GAD2: variants seen among roughly 807,000 people sequenced by gnomAD.
GAD2 encodes 65 kDa glutamic acid decarboxylase.
A neutral mutation model predicts 80.1 loss-of-function variants in GAD2; 22 were observed. The observed-to-expected ratio is 0.27, with a 90% CI of 0.20 to 0.39. GAD2 has a LOEUF of 0.39. Among genes scored for constraint, GAD2 ranks in the 10% least tolerant of loss-of-function variants. The pLI, the probability that GAD2 is intolerant of heterozygous loss-of-function variation, is 1.00. For missense variants in GAD2, 624 were observed against 738.4 expected, an observed-to-expected ratio of 0.85 and a Z score of 1.80; for synonymous variants, 274 against 256.9, an observed-to-expected ratio of 1.07 and a Z score of -0.64.
intron 3 of GAD2, among the ~76,000 whole-genome samples, chr10:26,218,615 A>G (rs754616017): frequency 1.1e-4 from 17 of 148,774 alleles, no homozygotes; most frequent in Admixed American, 2.0e-4. Context: ...GGGCCTTCCT[A>G]TCAGACCAGA....
chr10:26,250,236 G>C (rs1844862497), intron 8 of GAD2, among the ~76,000 whole-genome samples: 1 of 152,152 alleles, frequency 6.6e-6, no homozygotes, highest in Admixed American at 6.5e-5. Context: ...AGATGGTCTT[G>C]AACTCCTAGC....
At chr10:26,284,768 A>G (rs1845312465) in intron 12 of GAD2, among the ~76,000 whole-genome samples, 1 of 151,808 alleles carries the variant, frequency 6.6e-6, no homozygotes, top group Non-Finnish European at 1.5e-5. Context: ...ATGGGGTTTC[A>G]CCGTGTTAGC....
chr10:26,252,760 G>T (rs933368957), intron 8 of GAD2, among the ~76,000 whole-genome samples: 8 of 151,974 alleles, frequency 5.3e-5, no homozygotes, highest in Admixed American at 1.3e-4. Flanking sequence ...CAGGGTTCAA[G>T]CGATTCACCT....
chr10:26,270,735 T>C lies in GAD2; in HGVS notation c.1071T>C (p.Tyr357=). The C allele has an allele frequency of 1.2e-6, 2 of 1,612,616 alleles. No individual in the cohort carries two copies. Among genetic ancestry groups the C allele is most frequent in the Non-Finnish European group, 1.7e-6 (2 of 1,178,592 alleles). Residue 357 remains tyrosine, a synonymous_variant, in exon 10 of 16, where the codon TAT becomes TAC. Coordinates refer to ENST00000376261, the MANE Select transcript of GAD2 (RefSeq NM_001134366.2). ...LLAVADICKK[Y]KIWMHVDAAW... is the part of the protein sequence containing the mutation. ...CTGTCGCTGACATTTGCAAAAAGTATAAGATCTGGATGCATGTGGATGTAA... is the reference window on the plus strand; with the variant it reads ...CTGTCGCTGACATTTGCAAAAAGTACAAGATCTGGATGCATGTGGATGTAA...
chr10:26,217,603 C>G lies in GAD2; in HGVS notation c.77-7C>G. The G allele has an allele frequency of 6.2e-7, 1 of 1,611,726 alleles. No individual in the cohort carries two copies. Among genetic ancestry groups the G allele is most frequent in the South Asian group, 1.1e-5 (1 of 90,394 alleles). On this transcript the variant is annotated splice_polypyrimidine_tract_variant and splice_region_variant and intron_variant, in intron 1 of 15. Transcript: ENST00000376261. The surrounding 1 kb of genome is among the most constrained non-coding windows in gnomAD (Gnocchi z 4.9). ...CTCGCTGTCTGCCTGCCTATTCTTC[C>G]TTGCAGCGCGAGCCTGGTGCCAAGT...
chr10:26,240,054 G>C (rs1447035310), intron 7 of GAD2, among the ~76,000 whole-genome samples: 1 of 152,246 alleles, frequency 6.6e-6, no homozygotes, highest in Non-Finnish European at 1.5e-5. Context: ...ATCAGCAATG[G>C]CTTGAAATAA....
intron 8 of GAD2, 103 bp downstream of exon 8, chr10:26,246,103 C>T: frequency 1.2e-6 from 1 of 821,814 alleles, no homozygotes; most frequent in East Asian, 2.7e-5. Context: ...GCAGCAAGTC[C>T]ACCTCCCTCC....
chr10:26,293,397 C>G (rs1379168993), intron 15 of GAD2, among the ~76,000 whole-genome samples: 2 of 151,930 alleles, frequency 1.3e-5, no homozygotes, highest in Non-Finnish European at 2.9e-5. Flanking sequence ...AGGCTGGTCT[C>G]GAACTCCTGA....
chr10:26,286,264 CTTTT>C, intron 12 of GAD2, 77 bp from the exon 13 acceptor site: 1 of 1,280,980 alleles, frequency 7.8e-7, no homozygotes, highest in Admixed American at 2.4e-5. Context: ...TCTCTTACTT[CTTTT>C]TTCTTATTAA....
chr10:26,245,879 T>C (rs761608919), intron 7 of GAD2, 42 bp from the exon 8 acceptor site: 2 of 1,455,750 alleles, frequency 1.4e-6, no homozygotes, highest in Admixed American at 1.7e-5. Context: ...GGATCTTGTC[T>C]GTATATGGAA....
At chr10:26,255,596 G>T (rs1032419987) in intron 8 of GAD2, among the ~76,000 whole-genome samples, 2 of 109,430 alleles carry the variant, frequency 1.8e-5, no homozygotes, top group Non-Finnish European at 3.3e-5. Flanking sequence ...TGTGAATTAT[G>T]GAAGGAAAGA....
chr10:26,303,468 GA>G lies in GAD2; in HGVS notation c.*2509del, dbSNP rs1159526035. 1.6e-5 allele frequency: 2 copies of G among 121,444 alleles called. No individual in the cohort carries two copies. Among genetic ancestry groups the G allele is most frequent in the African/African-American group, 5.3e-5 (2 of 37,504 alleles). The allele number at this position is 121,444 out of a possible 1,614,324, so 7.5% of individuals were successfully genotyped here. The stretch of plus-strand genomic sequence containing the variant: ...GAAGGGAGGGAGGGAGGGAGGGAGG[GA>G]AGGAGGGAGGGAGGAAGGAAATGAA... On this transcript the variant is annotated 3_prime_UTR_variant, in exon 16 of 16. Transcript: ENST00000376261.
chr10:26,238,977 G>T (rs769392246), intron 7 of GAD2, among the ~76,000 whole-genome samples: 19 of 151,578 alleles, frequency 1.3e-4, no homozygotes, highest in Non-Finnish European at 2.4e-4. Context: ...GGCCCCGGGG[G>T]ATGGTGGGGT....
At position 26,219,222 on chromosome 10, in the gene GAD2, T is replaced by C. The variant is rs1182798575; in HGVS notation, c.466T>C (p.Leu156=). The C allele has an allele frequency of 6.2e-7, 1 of 1,613,862 alleles. No homozygotes were observed. Among genetic ancestry groups the C allele is most frequent in the Admixed American group, 1.7e-5 (1 of 59,966 alleles). ...NWELADQPQN[L]EEILMHCQTT... ...GGAATTGGCAGACCAACCACAAAAT[T>C]TGGAGGAAATTTTGATGCATTGCCA... Residue 156 remains leucine, a synonymous_variant, in exon 4 of 16, where the codon TTG becomes CTG. Transcript: ENST00000376261.
intron 14 of GAD2, 71 bp from the exon 15 acceptor site, chr10:26,292,831 T>C: frequency 7.9e-7 from 1 of 1,261,152 alleles, no homozygotes; most frequent in Non-Finnish European, 1.2e-6. Context: ...AATACATCGA[T>C]TTGAAATGTT....
chr10:26,219,220 AT>A lies in GAD2; in HGVS notation c.467del (p.Leu156TrpfsTer5). ...TGGGAATTGGCAGACCAACCACAAA[AT>A]TTGGAGGAAATTTTGATGCATTGCC... ...YNWELADQPQ[N>X]LEEILMHCQT... On this transcript the variant is annotated frameshift_variant, in exon 4 of 16. Coordinates refer to ENST00000376261, the MANE Select transcript of GAD2 (RefSeq NM_001134366.2). LOFTEE classifies it high-confidence loss of function. The A allele has an allele frequency of 6.2e-7, 1 of 1,613,934 alleles. No individual in the cohort carries two copies. Among genetic ancestry groups the A allele is most frequent in the Non-Finnish European group, 8.5e-7 (1 of 1,179,932 alleles).
At chr10:26,247,713 T>C (rs1844825868) in intron 8 of GAD2, among the ~76,000 whole-genome samples, 1 of 151,590 alleles carries the variant, frequency 6.6e-6, no homozygotes, top group Non-Finnish European at 1.5e-5. Flanking sequence ...CTGGCCAACA[T>C]GGTGAAACCC....
At chr10:26,246,823 G>A (rs1465889511) in intron 8 of GAD2, among the ~76,000 whole-genome samples, 1 of 152,202 alleles carries the variant, frequency 6.6e-6, no homozygotes, top group Admixed American at 6.5e-5. Flanking sequence ...TGCATGGCAT[G>A]AAGTACACAT....
chr10:26,252,288 T>C (rs1263775889), intron 8 of GAD2, among the ~76,000 whole-genome samples: 1 of 152,184 alleles, frequency 6.6e-6, no homozygotes, highest in Non-Finnish European at 1.5e-5. Context: ...TCTGTGTCTT[T>C]CTAGCAATAA....
Sources: allele counts gnomAD v4.1 joint callset (sites outside exome capture counted in the v4.1 genomes callset), GRCh38; gene constraint gnomAD v4.1.1; non-coding constraint Gnocchi (gnomAD v3.1); transcripts MANE v1.5; gene names NCBI Gene and HGNC (gene_info 2026-07-23, HGNC 2026-07-21).